The following GRIK4 variants were observed in gnomAD, a reference collection of about 807,000 sequenced individuals.
The protein encoded by GRIK4 is glutamate ionotropic receptor kainate type subunit 4, also known as glutamate receptor ionotropic, kainate 4.
In GRIK4, 40 loss-of-function variants were observed where a neutral mutation model predicts 104.9. That is an observed-to-expected ratio of 0.38 (90% confidence interval 0.30 to 0.50). The LOEUF (loss-of-function observed/expected upper bound fraction) is 0.50. Among genes scored for constraint, GRIK4 ranks in the 20% least tolerant of loss-of-function variants. The pLI is 0.93. For synonymous variants in GRIK4, 485 were observed against 524.9 expected, an observed-to-expected ratio of 0.92 and a Z score of 1.04; for missense variants, 1,047 against 1,308.1, an observed-to-expected ratio of 0.80 and a Z score of 3.08.
At chr11:120,767,266 C>T (rs190436288) in intron 3 of GRIK4, among the ~76,000 whole-genome samples, 4 of 152,186 alleles carry the variant, frequency 2.6e-5, no homozygotes, top group South Asian at 2.1e-4. Context: ...GAAGTGAAAT[C>T]GTGGTTTTAA....
At chr11:120,602,057 C>T (rs1480216474) in intron 1 of GRIK4, among the ~76,000 whole-genome samples, 7 of 152,208 alleles carry the variant, frequency 4.6e-5, no homozygotes, top group Admixed American at 4.6e-4. Context: ...TCCCTCTCCC[C>T]AGCTCAGTCC....
chr11:120,529,167 C>T lies in GRIK4; in HGVS notation c.-159+17280C>T, dbSNP rs1002529790. ...CATGTGCTCTTGCAGCCCCAACCCT[C>T]GTTCCCTTTGGAGCACTCCCACCTT... On this transcript the variant is annotated intron_variant, in intron 1 of 20. Transcript: ENST00000527524. Among the ~76,000 whole-genome samples, 9 of 152,212 alleles carry T rather than the reference C, an allele frequency of 5.9e-5. No individual in the cohort carries two copies. In the South Asian group the frequency reaches 6.2e-4, roughly 11 times the overall value.
chr11:120,520,810 G>A (rs180926787), intron 1 of GRIK4, among the ~76,000 whole-genome samples: 4 of 152,296 alleles, frequency 2.6e-5, no homozygotes, highest in South Asian at 2.1e-4. Flanking sequence ...ACTCATGGTC[G>A]TTATTGCTCC....
intron 3 of GRIK4, among the ~76,000 whole-genome samples, chr11:120,719,610 A>G (rs1260107389): frequency 2.0e-5 from 3 of 151,910 alleles, no homozygotes; most frequent in Non-Finnish European, 4.4e-5. Flanking sequence ...ACAGATCGTC[A>G]CTCCCTTCCC....
chr11:120,627,386 G>T (rs1354068031), intron 1 of GRIK4, among the ~76,000 whole-genome samples: 2 of 152,230 alleles, frequency 1.3e-5, no homozygotes, highest in Non-Finnish European at 1.5e-5. Context: ...CTGGCTTCTG[G>T]TCCCAGCCCT....
At position 120,904,732 on chromosome 11, in the gene GRIK4, G is replaced by A. The variant is rs140288973; in HGVS notation, c.1273-558G>A. On this transcript the variant is annotated intron_variant, in intron 12 of 20. Transcript: ENST00000527524. ...ATGCCCTTGATTGTGCCTTCCCCTG[G>A]CCCATGCCTTTCATTCACAGCCCTT... Among the ~76,000 whole-genome samples the A allele has an allele frequency of 4.4e-3, 673 of 152,192 alleles. 8 individuals are homozygous for A. Among genetic ancestry groups the A allele is most frequent in the Non-Finnish European group, 4.0e-3 (270 of 68,014 alleles).
At chr11:120,522,251 C>A (rs1446357246) in intron 1 of GRIK4, among the ~76,000 whole-genome samples, 2 of 152,254 alleles carry the variant, frequency 1.3e-5, no homozygotes, top group African/African-American at 2.4e-5. Context: ...TCAGTCAATG[C>A]AAGTGACTTC....
intron 3 of GRIK4, among the ~76,000 whole-genome samples, chr11:120,794,599 G>A (rs771121466): frequency 6.6e-6 from 1 of 152,164 alleles, no homozygotes; most frequent in African/African-American, 2.4e-5. Context: ...GAAAGACCAC[G>A]TACGGGTGCA....
chr11:120,958,583 G>A (rs944015992), intron 16 of GRIK4, among the ~76,000 whole-genome samples: 1 of 152,244 alleles, frequency 6.6e-6, no homozygotes, highest in Admixed American at 6.5e-5. Flanking sequence ...CATGTCGCTG[G>A]AGAGAATGCC....
rs558473676 is a variant in GRIK4, at chr11:120,528,300, A to T, written c.-159+16413A>T. ...CTAATTTTTTGTATTCTTAATAGAG[A>T]TGGGGTTTCACAGTGTTAGCCAGGA... On this transcript the variant is annotated intron_variant, in intron 1 of 20. Transcript: ENST00000527524. Among the ~76,000 whole-genome samples, 14 of 151,944 alleles carry T rather than the reference A, an allele frequency of 9.2e-5. No homozygotes were observed. The South Asian group carries it at 2.9e-3, about 32-fold the overall frequency.
intron 1 of GRIK4, among the ~76,000 whole-genome samples, chr11:120,596,345 A>T (rs1948800967): frequency 6.6e-6 from 1 of 152,244 alleles, no homozygotes; most frequent in Non-Finnish European, 1.5e-5. Flanking sequence ...CAGGTCTATT[A>T]ACCAGTAAAA....
chr11:120,977,226 C>T (rs1944575943), intron 19 of GRIK4, among the ~76,000 whole-genome samples: 1 of 152,160 alleles, frequency 6.6e-6, no homozygotes, highest in South Asian at 2.1e-4. Context: ...GCCTCAGAGA[C>T]TCAAGTGTCA....
Position 120,923,145 on chromosome 11 carries a change from G to A in GRIK4, c.1477-17202G>A, listed in dbSNP as rs193155966. On this transcript the variant is annotated intron_variant, in intron 13 of 20. Coordinates refer to ENST00000527524, the MANE Select transcript of GRIK4 (RefSeq NM_014619.5). ...ATCAAAACAGATGCTAGGTGTGGCC[G>A]GTAAGTCCAGCAAGTGTGCAAGCTG... Among the ~76,000 whole-genome samples the A allele has an allele frequency of 3.9e-5, 6 of 152,248 alleles. No individual in the cohort carries two copies. The East Asian group carries it at 9.7e-4, about 25-fold the overall frequency.
At chr11:120,540,102 G>T (rs1269852933) in intron 1 of GRIK4, among the ~76,000 whole-genome samples, 1 of 152,152 alleles carries the variant, frequency 6.6e-6, no homozygotes, top group East Asian at 1.9e-4. Flanking sequence ...GTTTGCAGGA[G>T]GCTCTTCCAG....
rs560955118 is a variant in GRIK4 at position 120,638,849 on chromosome 11, G to A, written c.-158-14836G>A. ...CAGGGATTAGAACTATTTTTTCTGT[G>A]CCCTAATATCATTTCTATCCAAGGT... On this transcript the variant is annotated intron_variant, in intron 1 of 20. Transcript: ENST00000527524. Among the ~76,000 whole-genome samples the A allele has an allele frequency of 2.6e-5, 4 of 152,056 alleles. No individual in the cohort carries two copies. In the South Asian group the frequency reaches 8.3e-4, roughly 32 times the overall value.
intron 1 of GRIK4, among the ~76,000 whole-genome samples, chr11:120,532,178 G>C (rs1044287234): frequency 6.6e-6 from 1 of 152,144 alleles, no homozygotes; most frequent in Non-Finnish European, 1.5e-5. Context: ...GTCCCGATTT[G>C]ACCTCCTGAG....
At chr11:120,818,419 G>A (rs1227609635) in intron 5 of GRIK4, among the ~76,000 whole-genome samples, 1 of 152,218 alleles carries the variant, frequency 6.6e-6, no homozygotes, top group African/African-American at 2.4e-5. Context: ...GATCCGTTAT[G>A]ACACAGATCA....
At chr11:120,521,408 C>T (rs1039083241) in intron 1 of GRIK4, among the ~76,000 whole-genome samples, 13 of 152,274 alleles carry the variant, frequency 8.5e-5, no homozygotes, top group East Asian at 5.8e-4. Flanking sequence ...ACATGCCCAA[C>T]GGCTTATTAT....
intron 3 of GRIK4, among the ~76,000 whole-genome samples, chr11:120,700,423 G>A (rs1023310363): frequency 6.6e-6 from 1 of 151,604 alleles, no homozygotes; most frequent in African/African-American, 2.4e-5. Flanking sequence ...ACAGGCATGT[G>A]CCACCACACC....
Sources: gnomAD v4.1 joint callset for allele counts (sites outside exome capture counted in the v4.1 genomes callset) on GRCh38, gnomAD v4.1.1 for gene constraint, MANE v1.5 for transcripts, NCBI Gene and HGNC (gene_info 2026-07-23, HGNC 2026-07-21) for gene names.